Variants in ANXA8 observed in about 807,000 individuals in gnomAD.
ANXA8 encodes VAC-beta.
In ANXA8, 9 loss-of-function variants were observed where a neutral mutation model predicts 26.8. The observed-to-expected ratio is 0.34, with a 90% CI of 0.20 to 0.59. The LOEUF is 0.59. Among genes scored for constraint, ANXA8 ranks in the 20% least tolerant of loss-of-function variants. The pLI is 0.84. For missense variants in ANXA8, 83 were observed against 238.5 expected (o/e 0.35, Z 4.29); for synonymous variants, 39 against 94.8 (o/e 0.41, Z 3.42).
At chr10:47,500,599 GT>G in the ANXA8 span, among the ~76,000 whole-genome samples, 754 of 101,310 alleles carry the variant, frequency 7.4e-3, 3 homozygotes, top group African/African-American at 0.017. Flanking sequence ...ATACTCATGT[GT>G]TTTTTTTTTT....
chr10:47,955,483 C>T, the ANXA8 span, among the ~76,000 whole-genome samples: 5 of 149,878 alleles, frequency 3.3e-5, no homozygotes, highest in African/African-American at 5.0e-5. Context: ...ATGGCATAGC[C>T]TGTTGCTCCT....
chr10:47,555,221 T>C, the ANXA8 span, among the ~76,000 whole-genome samples: 3,224 of 151,564 alleles, frequency 0.021, no homozygotes, highest in Non-Finnish European at 0.03. Context: ...TATTATAGAG[T>C]AACTCTTCTG....
chr10:47,558,033 GT>G, the ANXA8 span, among the ~76,000 whole-genome samples: 1 of 151,916 alleles, frequency 6.6e-6, no homozygotes, highest in East Asian at 1.9e-4. Context: ...TGGTAATTAA[GT>G]TAAAAATCAG....
At chr10:47,975,197 A>G in the ANXA8 span, among the ~76,000 whole-genome samples, 2 of 149,408 alleles carry the variant, frequency 1.3e-5, no homozygotes, top group African/African-American at 4.9e-5. Context: ...TCATGTCAGC[A>G]CCAATAGATT....
At chr10:47,632,608 A>G in the ANXA8 span, among the ~76,000 whole-genome samples, 4 of 143,584 alleles carry the variant, frequency 2.8e-5, no homozygotes, top group East Asian at 7.8e-4. Flanking sequence ...ACATGTTATT[A>G]TAAAATATAA....
the ANXA8 span, among the ~76,000 whole-genome samples, chr10:47,650,049 A>G: frequency 7.2e-4 from 107 of 149,294 alleles, no homozygotes; most frequent in East Asian, 0.012. Flanking sequence ...CTCTACTACA[A>G]ATACAAAAAT....
chr10:47,705,709 C>G, the ANXA8 span, among the ~76,000 whole-genome samples: 9 of 151,986 alleles, frequency 5.9e-5, no homozygotes, highest in African/African-American at 1.9e-4. Context: ...TTATTTTTTA[C>G]AAGTTAGTAG....
chr10:47,516,803 C>T, the ANXA8 span, among the ~76,000 whole-genome samples: 2 of 130,314 alleles, frequency 1.5e-5, 1 homozygote, highest in East Asian at 5.8e-4. Context: ...GGAAAAACAG[C>T]TATTAGAAAA....
At chr10:47,665,057 G>A in the ANXA8 span, among the ~76,000 whole-genome samples, 5 of 147,434 alleles carry the variant, frequency 3.4e-5, no homozygotes, top group Non-Finnish European at 7.4e-5. Flanking sequence ...CAAGATTATT[G>A]TCTGAATATT....
the ANXA8 span, among the ~76,000 whole-genome samples, chr10:47,687,661 C>T: frequency 6.6e-6 from 1 of 151,812 alleles, no homozygotes; most frequent in Admixed American, 6.6e-5. Context: ...CTATTTGGGG[C>T]CCCTAGTGGT....
the ANXA8 span, among the ~76,000 whole-genome samples, chr10:47,957,317 C>T: frequency 0.02 from 3,024 of 150,102 alleles, 137 homozygotes; most frequent in African/African-American, 0.072. Flanking sequence ...AGCTAGCCTC[C>T]GGATGCTGCT....
At chr10:47,595,956 A>G in the ANXA8 span, among the ~76,000 whole-genome samples, 4 of 149,022 alleles carry the variant, frequency 2.7e-5, no homozygotes, top group Non-Finnish European at 2.9e-5. Context: ...ACCACAATAT[A>G]TATATTTTTT....
chr10:47,775,588 G>A, the ANXA8 span, among the ~76,000 whole-genome samples: 2 of 123,978 alleles, frequency 1.6e-5, no homozygotes, highest in East Asian at 2.4e-4. Context: ...GCCAAGCCCG[G>A]TTACCCTGGA....
chr10:47,581,005 G>T, the ANXA8 span, among the ~76,000 whole-genome samples: 1 of 150,278 alleles, frequency 6.7e-6, no homozygotes, highest in Non-Finnish European at 1.5e-5. Flanking sequence ...GAATCTGGGA[G>T]ACAGAGGTTT....
the ANXA8 span, among the ~76,000 whole-genome samples, chr10:47,683,336 C>G: frequency 9.3e-3 from 1,391 of 149,762 alleles, 22 homozygotes; most frequent in African/African-American, 0.033. Context: ...TCACGCCATG[C>G]TCCTGCCTCA....
chr10:47,563,771 T>C, the ANXA8 span: 2 of 780,626 alleles, frequency 2.6e-6, no homozygotes, highest in East Asian at 2.5e-5. Flanking sequence ...TATAGAAATA[T>C]ACCTTATCGG....
At chr10:47,972,950 G>A in the ANXA8 span, among the ~76,000 whole-genome samples, 3 of 149,246 alleles carry the variant, frequency 2.0e-5, no homozygotes, top group African/African-American at 7.3e-5. Flanking sequence ...TGAATGCTAA[G>A]GTGTGGGATG....
the ANXA8 span, among the ~76,000 whole-genome samples, chr10:47,543,913 A>T: frequency 7.1e-6 from 1 of 140,814 alleles, no homozygotes; most frequent in African/African-American, 2.7e-5. Flanking sequence ...ACCTGGGGTC[A>T]GGGAAGAGTG....
the ANXA8 span, among the ~76,000 whole-genome samples, chr10:47,503,972 A>C: frequency 8.6e-6 from 1 of 116,098 alleles, no homozygotes; most frequent in Non-Finnish European, 1.7e-5. Flanking sequence ...AAAAAGATAC[A>C]TTTTCTGTTG....
Sources: gnomAD v4.1 joint callset for allele counts (sites outside exome capture counted in the v4.1 genomes callset) on GRCh38, gnomAD v4.1.1 for gene constraint, MANE v1.5 for transcripts, NCBI Gene and HGNC (gene_info 2026-07-23, HGNC 2026-07-21) for gene names.